The following CFDP1 variants were observed in gnomAD, a reference collection of about 807,000 sequenced individuals.
The protein encoded by CFDP1 is chromatin remodeling protein CFDP1, also known as heterochromatin-stabilizing protein CFDP1.
Under a neutral mutation model 40.1 loss-of-function variants are expected in CFDP1, and 31 were observed. That is an observed-to-expected ratio of 0.77 (90% confidence interval 0.58 to 1.04). The LOEUF (loss-of-function observed/expected upper bound fraction) is 1.04. Among genes scored for constraint, CFDP1 ranks in the 50% least tolerant of loss-of-function variants. CFDP1 has a pLI of 0.00. For missense variants in CFDP1, 423 were observed against 343.4 expected (o/e 1.23, Z -1.83); for synonymous variants, 167 against 120.0 (o/e 1.39, Z -2.56).
chr16:75,308,456 A>G (rs904763221), intron 5 of CFDP1, among the ~76,000 whole-genome samples: 2 of 151,982 alleles, frequency 1.3e-5, no homozygotes, highest in African/African-American at 4.8e-5. Context: ...GAGAAAAATT[A>G]TTTTCCTCGT....
intron 5 of CFDP1, among the ~76,000 whole-genome samples, chr16:75,309,819 C>CAAAA (rs1156624164): frequency 0.14 from 6,365 of 46,462 alleles, 1,280 homozygotes; most frequent in Non-Finnish European, 0.14. Context: ...GACTCCATCT[C>CAAAA]AAAAAAAAAA....
At chr16:75,433,049 G>A (rs1049194656) in intron 1 of CFDP1, among the ~76,000 whole-genome samples, 1 of 152,228 alleles carries the variant, frequency 6.6e-6, no homozygotes, top group Non-Finnish European at 1.5e-5. Flanking sequence ...GCCGGTTCCC[G>A]CGCTGCAAGA....
intron 5 of CFDP1, among the ~76,000 whole-genome samples, chr16:75,350,678 G>A (rs898174968): frequency 6.6e-6 from 1 of 151,988 alleles, no homozygotes; most frequent in African/African-American, 2.4e-5. Context: ...AAGACTAGAA[G>A]CAACCCAAAT....
chr16:75,428,938 A>G (rs1190629770), intron 1 of CFDP1, among the ~76,000 whole-genome samples: 2 of 151,562 alleles, frequency 1.3e-5, no homozygotes, highest in Admixed American at 6.6e-5. Context: ...AACATGGTGA[A>G]ATCCCGTCTC....
At chr16:75,431,930 G>A (rs74661681) in intron 1 of CFDP1, among the ~76,000 whole-genome samples, 1 of 52,634 alleles carries the variant, frequency 1.9e-5, no homozygotes, top group Non-Finnish European at 4.5e-5. Flanking sequence ...TTTTTTTTTT[G>A]AGACGGAGTC....
At chr16:75,406,052 G>A (rs1012950913) in intron 4 of CFDP1, among the ~76,000 whole-genome samples, 2 of 151,472 alleles carry the variant, frequency 1.3e-5, no homozygotes, top group African/African-American at 4.9e-5. Context: ...GACCACCTTG[G>A]GCAACACAGC....
At chr16:75,370,483 C>T (rs999085838) in intron 5 of CFDP1, among the ~76,000 whole-genome samples, 2 of 152,134 alleles carry the variant, frequency 1.3e-5, no homozygotes, top group African/African-American at 2.4e-5. Flanking sequence ...GTGCAGCACA[C>T]CAACATGGCA....
chr16:75,342,288 T>C (rs1156541465), intron 5 of CFDP1, among the ~76,000 whole-genome samples: 1 of 152,248 alleles, frequency 6.6e-6, no homozygotes, highest in Non-Finnish European at 1.5e-5. Flanking sequence ...AAAAAATTGC[T>C]ACTTGCTACA....
At chr16:75,358,689 A>G (rs1237979633) in intron 5 of CFDP1, among the ~76,000 whole-genome samples, 2 of 152,330 alleles carry the variant, frequency 1.3e-5, no homozygotes, top group Middle Eastern at 3.4e-3. Context: ...ATTCATACTT[A>G]AGTATTCGAC....
At chr16:75,426,383 T>C (rs1165377768) in intron 1 of CFDP1, among the ~76,000 whole-genome samples, 2 of 150,936 alleles carry the variant, frequency 1.3e-5, no homozygotes, top group Non-Finnish European at 3.0e-5. Flanking sequence ...AGTAAAACTA[T>C]GTAACTTTTA....
chr16:75,315,983 T>C (rs576927567), intron 5 of CFDP1, among the ~76,000 whole-genome samples: 19 of 152,328 alleles, frequency 1.2e-4, no homozygotes, highest in African/African-American at 4.6e-4. Context: ...TTTGGTTTTG[T>C]TGTTTTGATT....
intron 6 of CFDP1, among the ~76,000 whole-genome samples, chr16:75,304,074 C>CTT (rs763574579): frequency 7.3e-5 from 11 of 151,068 alleles, no homozygotes; most frequent in Admixed American, 4.0e-4. Flanking sequence ...CTCTCTCTCT[C>CTT]TCTTTCTTTC....
intron 5 of CFDP1, among the ~76,000 whole-genome samples, chr16:75,351,221 T>C (rs1460859070): frequency 6.6e-6 from 1 of 152,150 alleles, no homozygotes; most frequent in African/African-American, 2.4e-5. Context: ...GTTTCTAAAG[T>C]AAAGAAATAA....
chr16:75,385,379 T>C (rs547220027), intron 5 of CFDP1, among the ~76,000 whole-genome samples: 1 of 152,226 alleles, frequency 6.6e-6, no homozygotes, highest in Admixed American at 6.5e-5. Context: ...CACTGCCTTC[T>C]CTCCGAAAAA....
chr16:75,383,076 T>C (rs1276608262), intron 5 of CFDP1, among the ~76,000 whole-genome samples: 2 of 152,232 alleles, frequency 1.3e-5, no homozygotes, highest in African/African-American at 4.8e-5. Context: ...TTGATTAGAA[T>C]CTTCCATATC....
intron 5 of CFDP1, among the ~76,000 whole-genome samples, chr16:75,340,835 G>C (rs1336261616): frequency 6.6e-6 from 1 of 152,122 alleles, no homozygotes; most frequent in Non-Finnish European, 1.5e-5. Flanking sequence ...GTCAATGCGA[G>C]GACCAGCTTC....
intron 1 of CFDP1, among the ~76,000 whole-genome samples, chr16:75,429,010 C>T (rs921900938): frequency 1.7e-5 from 2 of 117,438 alleles, no homozygotes; most frequent in Admixed American, 2.1e-4. Context: ...CCAGCCACTC[C>T]GGAGGCTGAG....
At chr16:75,313,850 C>T (rs1252575690) in intron 5 of CFDP1, among the ~76,000 whole-genome samples, 3 of 150,482 alleles carry the variant, frequency 2.0e-5, no homozygotes, top group Non-Finnish European at 4.5e-5. Context: ...AATGAGATTT[C>T]TTATAGAGTC....
chr16:75,320,112 T>C (rs2078351631), intron 5 of CFDP1, among the ~76,000 whole-genome samples: 1 of 152,074 alleles, frequency 6.6e-6, no homozygotes, highest in Non-Finnish European at 1.5e-5. Flanking sequence ...GTAAGTAGAG[T>C]TTCTTTCCTT....
Sources: allele counts gnomAD v4.1 joint callset (sites outside exome capture counted in the v4.1 genomes callset), GRCh38; gene constraint gnomAD v4.1.1; transcripts MANE v1.5; gene names NCBI Gene and HGNC (gene_info 2026-07-23, HGNC 2026-07-21).